SYPL1: variants seen among roughly 807,000 people sequenced by gnomAD.
SYPL1 encodes the protein synaptophysin-like protein 1.
SYPL1 carries 6 observed loss-of-function variants against 23.7 expected under a neutral mutation model. The observed-to-expected ratio is 0.25, with a 90% CI of 0.14 to 0.50. The LOEUF (loss-of-function observed/expected upper bound fraction) is 0.50. Ranked by LOEUF, SYPL1 falls within the 20% of genes least tolerant of loss-of-function variation. The pLI, the probability that SYPL1 is intolerant of heterozygous loss-of-function variation, is 0.98. For synonymous variants in SYPL1, 102 were observed against 104.5 expected, an observed-to-expected ratio of 0.98 and a Z score of 0.15; for missense variants, 253 against 288.9, an observed-to-expected ratio of 0.88 and a Z score of 0.90.
In SYPL1 at chr7:106,100,269, C is replaced by A. The variant is rs557514332; in HGVS notation, c.70-987G>T. On this transcript the variant is annotated intron_variant, in intron 1 of 4. Coordinates refer to ENST00000455385, the MANE Select transcript of SYPL1 (RefSeq NM_182715.4). The surrounding 1 kb of genome is among the most constrained non-coding windows in gnomAD (Gnocchi z 5.1). Reference sequence around the variant, plus strand: ...GTTCTCTCAAATACCATCTAAAACACAAAAAACCTAGAAGCAACCTAAATG... The same window carrying A: ...GTTCTCTCAAATACCATCTAAAACAAAAAAAACCTAGAAGCAACCTAAATG... Among the ~76,000 whole-genome samples the A allele has an allele frequency of 3.3e-5, 5 of 152,204 alleles. No homozygotes were observed. The East Asian group carries it at 9.6e-4, about 29-fold the overall frequency.
chr7:106,092,825 A>T (rs1839807988), intron 4 of SYPL1, 124 bp downstream of exon 4: 1 of 824,486 alleles, frequency 1.2e-6, no homozygotes, highest in Non-Finnish European at 1.8e-6. Context: ...TTGTTACTAG[A>T]ATTCAGGTAG....
chr7:106,093,404 C>A (rs749888722), intron 3 of SYPL1, among the ~76,000 whole-genome samples: 5 of 152,138 alleles, frequency 3.3e-5, no homozygotes, highest in Non-Finnish European at 5.9e-5. Flanking sequence ...TTTTATACAG[C>A]CTTCAACATA....
rs1254313789 is a variant in SYPL1, at chr7:106,091,260, CAG to C, written c.*543_*544del. 1 of 151,814 alleles carries C rather than the reference CAG, an allele frequency of 6.6e-6. No homozygotes were observed. The highest frequency in any genetic ancestry group is 1.5e-5 in the Non-Finnish European group (1 of 67,918). 9.4% of individuals were successfully genotyped at this position (151,814 alleles called of 1,614,324 possible). A position where few individuals can be genotyped will look rare whatever the true frequency, so the allele number is the denominator to read the frequency against. ...AAGTACCACGGGTCATTTAGAAAAA[CAG>C]AAAAAAATATACACCTAGTCTTTGC... On this transcript the variant is annotated 3_prime_UTR_variant, in exon 5 of 5. Transcript: ENST00000455385. The surrounding 1 kb of genome is among the most constrained non-coding windows in gnomAD (Gnocchi z 5.0).
intron 1 of SYPL1, 200 bp downstream of exon 1, chr7:106,111,940 C>T: frequency 7.3e-6 from 4 of 546,434 alleles, no homozygotes; most frequent in Middle Eastern, 6.9e-4. Flanking sequence ...GCTCGTGATT[C>T]GACGCCCGCC....
chr7:106,097,665 T>C lies in SYPL1; in HGVS notation c.402+25A>G. Reference sequence around the variant, plus strand: ...TTAGCTTATACAAATTATTTTTGTATTTAAAAAATAAAGTGATTACTTACT... The same window carrying C: ...TTAGCTTATACAAATTATTTTTGTACTTAAAAAATAAAGTGATTACTTACT... On this transcript the variant is annotated intron_variant, in intron 3 of 4. Coordinates refer to ENST00000455385, the MANE Select transcript of SYPL1 (RefSeq NM_182715.4). The surrounding 1 kb of genome is among the most constrained non-coding windows in gnomAD (Gnocchi z 4.6). The C allele has an allele frequency of 6.4e-7, 1 of 1,553,038 alleles. No individual in the cohort carries two copies.
chr7:106,092,894 CTAG>C lies in SYPL1; in HGVS notation c.591+52_591+54del, dbSNP rs1042065796. 5.8e-6 allele frequency: 8 copies of C among 1,374,668 alleles called. No homozygotes were observed. In the Admixed American group the frequency reaches 2.3e-4, roughly 39 times the overall value. The allele number at this position is 1,374,668 out of a possible 1,614,324, so 85.2% of individuals were successfully genotyped here. A position where few individuals can be genotyped will look rare whatever the true frequency, so the allele number is the denominator to read the frequency against. ...TGAAAGCTATTGCTTTCCTGAATTA[CTAG>C]TACTTTAAACAAATATATGAAAGAA... On this transcript the variant is annotated intron_variant, in intron 4 of 4. Transcript: ENST00000455385.
At chr7:106,092,362 G>A (rs150687842) in intron 4 of SYPL1, among the ~76,000 whole-genome samples, 857 of 152,252 alleles carry the variant, frequency 5.6e-3, no homozygotes, top group Non-Finnish European at 9.4e-3. Context: ...CCATCCCAAT[G>A]AGTTAACCTC....
Position 106,097,988 on chromosome 7 carries a change from C to A in SYPL1, c.195-91G>T. 6.9e-6 allele frequency: 7 copies of A among 1,013,724 alleles called. No homozygotes were observed. Among genetic ancestry groups the A allele is most frequent in the Non-Finnish European group, 8.5e-6 (6 of 706,794 alleles). The allele number at this position is 1,013,724 out of a possible 1,614,324, so 62.8% of individuals were successfully genotyped here. On this transcript the variant is annotated intron_variant, in intron 2 of 4. Coordinates refer to ENST00000455385, the MANE Select transcript of SYPL1 (RefSeq NM_182715.4). The surrounding 1 kb of genome is among the most constrained non-coding windows in gnomAD (Gnocchi z 4.6). The stretch of plus-strand genomic sequence containing the variant: ...ATGAGTGACACTTCAAAAAATACTC[C>A]CCAAATATATTAAAAACATTCCTTT...
At chr7:106,107,417 G>C (rs998534847) in intron 1 of SYPL1, among the ~76,000 whole-genome samples, 5 of 152,144 alleles carry the variant, frequency 3.3e-5, no homozygotes, top group African/African-American at 1.2e-4. Flanking sequence ...ATTCTAAATA[G>C]CCTGCCAAGA....
Position 106,109,992 on chromosome 7 carries a change from T to C in SYPL1, c.69+2148A>G. Among the ~76,000 whole-genome samples the C allele has an allele frequency of 6.6e-6, 1 of 152,134 alleles. No homozygotes were observed. Among genetic ancestry groups the C allele is most frequent in the African/African-American group, 2.4e-5 (1 of 41,434 alleles). On this transcript the variant is annotated intron_variant, in intron 1 of 4. Coordinates refer to ENST00000455385, the MANE Select transcript of SYPL1 (RefSeq NM_182715.4). The surrounding 1 kb of genome is among the most constrained non-coding windows in gnomAD (Gnocchi z 4.3). ...AATCGATTGATTGAGGAATTATGAG[T>C]GCCTAAAATTAGTCGTATCATTGAC...
chr7:106,103,759 T>G (rs959017400), intron 1 of SYPL1, among the ~76,000 whole-genome samples: 1 of 152,238 alleles, frequency 6.6e-6, no homozygotes, highest in Non-Finnish European at 1.5e-5. Flanking sequence ...AAAATTACTA[T>G]GTGGTTTGCA....
Position 106,096,765 on chromosome 7 carries a change from A to G in SYPL1, c.402+925T>C, listed in dbSNP as rs917480245. Among the ~76,000 whole-genome samples the G allele has an allele frequency of 2.0e-5, 3 of 152,258 alleles. No individual in the cohort carries two copies. The highest frequency in any genetic ancestry group is 4.4e-5 in the Non-Finnish European group (3 of 68,046). Reference sequence around the variant, plus strand: ...ATTTTAAATTAAGGAGTTTAGGGACATAGACCAGGAATCAACAAACTTCTT... The same window carrying G: ...ATTTTAAATTAAGGAGTTTAGGGACGTAGACCAGGAATCAACAAACTTCTT... On this transcript the variant is annotated intron_variant, in intron 3 of 4. Transcript: ENST00000455385. The surrounding 1 kb of genome is among the most constrained non-coding windows in gnomAD (Gnocchi z 4.4).
rs114247466 is a variant in SYPL1, at chr7:106,109,261, C to G, written c.69+2879G>C. Among the ~76,000 whole-genome samples, 1 of 152,124 alleles carries G rather than the reference C, an allele frequency of 6.6e-6. No individual in the cohort carries two copies. The highest frequency in any genetic ancestry group is 1.5e-5 in the Non-Finnish European group (1 of 68,026). ...AACTAGTGGCTTTTTTTTGTAACCACCAAATTTCTCCCATCTTCACAGTCA... is the reference window on the plus strand; with the variant it reads ...AACTAGTGGCTTTTTTTTGTAACCAGCAAATTTCTCCCATCTTCACAGTCA... On this transcript the variant is annotated intron_variant, in intron 1 of 4. Coordinates refer to ENST00000455385, the MANE Select transcript of SYPL1 (RefSeq NM_182715.4). This position sits in a 1 kb window ranked among gnomAD's most constrained non-coding sequence, Gnocchi z 4.3.
intron 1 of SYPL1, among the ~76,000 whole-genome samples, chr7:106,102,659 C>T: frequency 6.6e-6 from 1 of 152,146 alleles, no homozygotes; most frequent in South Asian, 2.1e-4. Flanking sequence ...AGACCCTATG[C>T]CCAAACCACA....
chr7:106,092,839 A>G (rs1839808688), intron 4 of SYPL1, 110 bp downstream of exon 4: 1 of 945,236 alleles, frequency 1.1e-6, no homozygotes. Context: ...CAGGTAGCTG[A>G]GTAAAAATAA....
chr7:106,112,456 G>C (rs1254387565), upstream of SYPL1: 1 of 1,476,080 alleles, frequency 6.8e-7, no homozygotes, highest in South Asian at 1.3e-5. Context: ...GCGGAGACCG[G>C]GAGGCTTCTC....
chr7:106,093,802 TAAATTTCCTAACCAC>T lies in SYPL1; in HGVS notation c.403-680_403-666del, dbSNP rs558520015. The stretch of plus-strand genomic sequence containing the variant: ...GCACACACCAGAATGGTATCTCTTT[TAAATTTCCTAACCAC>T]AAATTTTAAGAATGCTCACTATATT... On this transcript the variant is annotated intron_variant, in intron 3 of 4. Transcript: ENST00000455385. Among the ~76,000 whole-genome samples, 41 of 73,314 alleles carry T rather than the reference TAAATTTCCTAACCAC, an allele frequency of 5.6e-4. 10 individuals carry two copies. In the South Asian group the frequency reaches 0.019, roughly 35 times the overall value. The allele number at this position is 73,314 out of a possible 152,430, so 48.1% of individuals were successfully genotyped here.
chr7:106,095,315 C>T lies in SYPL1; in HGVS notation c.403-2178G>A, dbSNP rs1307059501. 6.6e-6 allele frequency among the ~76,000 whole-genome samples: 1 copy of T among 151,718 alleles called. No individual in the cohort carries two copies. Among genetic ancestry groups the T allele is most frequent in the African/African-American group, 2.4e-5 (1 of 41,250 alleles). ...ACCTAAAAATTAATGTCATATTTGG[C>T]TATATCTTAAATTTTGGGTATCTCA... On this transcript the variant is annotated intron_variant, in intron 3 of 4. Coordinates refer to ENST00000455385, the MANE Select transcript of SYPL1 (RefSeq NM_182715.4). The surrounding 1 kb of genome is among the most constrained non-coding windows in gnomAD (Gnocchi z 4.3).
At chr7:106,107,921 G>A (rs932101553) in intron 1 of SYPL1, among the ~76,000 whole-genome samples, 9 of 152,038 alleles carry the variant, frequency 5.9e-5, no homozygotes, top group South Asian at 2.1e-4. Flanking sequence ...TCAGCCAGGC[G>A]CGGTGGCTCA....
Sources: gnomAD v4.1 joint callset for allele counts (sites outside exome capture counted in the v4.1 genomes callset) on GRCh38, gnomAD v4.1.1 for gene constraint, Gnocchi (gnomAD v3.1) non-coding constraint, MANE v1.5 for transcripts, NCBI Gene and HGNC (gene_info 2026-07-23, HGNC 2026-07-21) for gene names.